CYP26C1: variants seen among roughly 807,000 people sequenced by gnomAD.
CYP26C1 encodes the protein cytochrome P450 26C1.
Under a neutral mutation model 39.1 loss-of-function variants are expected in CYP26C1, and 41 were observed. The ratio of observed to expected loss-of-function variants is 1.05; its 90% CI spans 0.82 to 1.36. CYP26C1 has a LOEUF of 1.36. Among genes scored for constraint, CYP26C1 ranks in the 40% most tolerant of loss-of-function variants. The pLI, the probability that CYP26C1 is intolerant of heterozygous loss-of-function variation, is 0.00. For synonymous variants in CYP26C1, 362 were observed against 350.8 expected, an observed-to-expected ratio of 1.03 and a Z score of -0.36; for missense variants, 833 against 752.0, an observed-to-expected ratio of 1.11 and a Z score of -1.26.
In CYP26C1 at chr10:93,066,145, G is replaced by T. The variant is rs766533565; in HGVS notation, c.1051G>T (p.Asp351Tyr). The T allele has an allele frequency of 3.7e-6, 5 of 1,369,486 alleles. No homozygotes were observed. Among genetic ancestry groups the T allele is most frequent in the Non-Finnish European group, 4.7e-6 (5 of 1,061,674 alleles). 84.8% of individuals were successfully genotyped at this position (1,369,486 alleles called of 1,614,324 possible). Residue 351 changes from aspartate (D) to tyrosine (Y), a missense_variant, in exon 5 of 6, where the codon GAC becomes TAC. Physicochemically the swap from Asp to Tyr is radical, Grantham distance 160 (BLOSUM62 -3). Transcript: ENST00000651965. ...AAGGSEGPPPDCGCEPDLSLA... is the reference protein window; with the variant it reads ...AAGGSEGPPPYCGCEPDLSLA... ...TGGGGGCAGCGAGGGGCCCCCGCCCGACTGCGGCTGCGAGCCCGACCTCAG... is the reference window on the plus strand; with the variant it reads ...TGGGGGCAGCGAGGGGCCCCCGCCCTACTGCGGCTGCGAGCCCGACCTCAG...
chr10:93,061,428 G>C lies in CYP26C1; in HGVS notation c.165G>C (p.Gly55=), dbSNP rs765707392. 1.3e-6 allele frequency: 2 copies of C among 1,556,578 alleles called. No individual in the cohort carries two copies. The highest frequency in any genetic ancestry group is 8.7e-7 in the Non-Finnish European group (1 of 1,150,512). The change falls in exon 1 of 6, where the codon GGG becomes GGC. Residue 55 remains glycine, a synonymous_variant. Coordinates refer to ENST00000651965, the MANE Select transcript of CYP26C1 (RefSeq NM_183374.3). The stretch of plus-strand genomic sequence containing the variant: ...TGCCTCTGCCCAAGGGCTCCATGGG[G>C]TGGCCCTTCTTCGGCGAAACGCTGC... ...STLPLPKGSM[G]WPFFGETLHW...
At chr10:93,062,688 G>T (rs889155741) in intron 2 of CYP26C1, 32 bp from the exon 3 acceptor site, 8 of 1,388,840 alleles carry the variant, frequency 5.8e-6, no homozygotes, top group Non-Finnish European at 7.4e-6. Flanking sequence ...AGGCCAGACC[G>T]CCGCCAGCGC....
intron 2 of CYP26C1, 107 bp from the exon 3 acceptor site, chr10:93,062,613 C>G (rs1207395388): frequency 9.5e-7 from 1 of 1,050,846 alleles, no homozygotes; most frequent in Non-Finnish European, 1.3e-6. Context: ...AGGTCTGGGC[C>G]GCTTGGAAGA....
chr10:93,064,358 T>C (rs778751809), intron 3 of CYP26C1, 23 bp from the exon 4 acceptor site: 1 of 1,605,710 alleles, frequency 6.2e-7, no homozygotes, highest in Non-Finnish European at 8.5e-7. Context: ...CTGCCCCATC[T>C]TTCTTCTCTC....
chr10:93,066,391 G>T, intron 5 of CYP26C1, 106 bp downstream of exon 5: 10 of 1,105,500 alleles, frequency 9.0e-6, no homozygotes, highest in Non-Finnish European at 1.1e-5. Flanking sequence ...AGGGCGGAGG[G>T]ATTCGGACGG....
At position 93,068,829 on chromosome 10, in the gene CYP26C1, G is replaced by A; in HGVS notation, c.*132G>A. 1 of 1,363,552 alleles carries A rather than the reference G, an allele frequency of 7.3e-7. No homozygotes were observed. Among genetic ancestry groups the A allele is most frequent in the Non-Finnish European group, 9.5e-7 (1 of 1,048,822 alleles). 84.5% of individuals were successfully genotyped at this position (1,363,552 alleles called of 1,614,324 possible). A position where few individuals can be genotyped will look rare whatever the true frequency, so the allele number is the denominator to read the frequency against. ...TTCAACAATCTTTCAACAAATGTTC[G>A]CCAAACGCGGATGTGTGCCGGACTC... is the stretch of plus-strand genomic sequence containing the variant. On this transcript the variant is annotated 3_prime_UTR_variant, in exon 6 of 6. Transcript: ENST00000651965.
intron 1 of CYP26C1, 149 bp from the exon 2 acceptor site, chr10:93,061,861 G>A: frequency 1.4e-6 from 1 of 719,208 alleles, no homozygotes; most frequent in South Asian, 1.8e-5. Context: ...CATTCCCGTA[G>A]AGTAGATACC....
At chr10:93,063,349 G>A in intron 3 of CYP26C1, 1 of 1,063,200 alleles carries the variant, frequency 9.4e-7, no homozygotes, top group Non-Finnish European at 1.1e-6. Context: ...CCTGGGGCCG[G>A]CCTCCATCAC....
At position 93,064,030 on chromosome 10, in the gene CYP26C1, C is replaced by T. The variant is rs117753641; in HGVS notation, c.706-351C>T. ...CCTAGTACAGGGAAAGGGCAATGGGCTGACCCTAGCCGCACTGGGCTCTGT... is the reference window on the plus strand; with the variant it reads ...CCTAGTACAGGGAAAGGGCAATGGGTTGACCCTAGCCGCACTGGGCTCTGT... On this transcript the variant is annotated intron_variant, in intron 3 of 5. Coordinates refer to ENST00000651965, the MANE Select transcript of CYP26C1 (RefSeq NM_183374.3). The T allele has an allele frequency of 1.1e-4, 122 of 1,075,890 alleles. 1 individual carries two copies. In the East Asian group the frequency reaches 8.0e-3, roughly 71 times the overall value. The allele number at this position is 1,075,890 out of a possible 1,614,324, so 66.6% of individuals were successfully genotyped here.
chr10:93,062,269 G>A (rs1846760922), intron 2 of CYP26C1, 35 bp downstream of exon 2: 12 of 1,489,500 alleles, frequency 8.1e-6, no homozygotes, highest in East Asian at 2.5e-5. Context: ...TAGATACGTC[G>A]GATCCGCGGT....
rs1393728557 is a variant in CYP26C1, at chr10:93,062,889, TG to T, written c.600del (p.Leu200PhefsTer70). The T allele has an allele frequency of 3.1e-5, 49 of 1,605,188 alleles. No homozygotes were observed. Among genetic ancestry groups the T allele is most frequent in the Non-Finnish European group, 4.2e-5 (49 of 1,179,324 alleles). On this transcript the variant is annotated frameshift_variant, in exon 3 of 6. Coordinates refer to ENST00000651965, the MANE Select transcript of CYP26C1 (RefSeq NM_183374.3). LOFTEE classifies it high-confidence loss of function. ...FRMAARILLG[L>X]RLDEAQCATL... is the part of the protein sequence containing the mutation. ...ATGGCCGCGCGCATCCTGCTGGGGT[TG>T]CGGCTGGACGAGGCGCAGTGCGCCA...
At chr10:93,061,958 TC>T in intron 1 of CYP26C1, 51 bp from the exon 2 acceptor site, 1 of 1,519,636 alleles carries the variant, frequency 6.6e-7, no homozygotes, top group Admixed American at 2.0e-5. Flanking sequence ...CTGGGTCAGA[TC>T]CCAGCCCAGG....
At position 93,068,760 on chromosome 10, in the gene CYP26C1, C is replaced by T. The variant is rs930568683; in HGVS notation, c.*63C>T. ...ATGGCGCGCACGCAGCGCCACCCAT[C>T]TGCCGCTCCCCATTGTAGCGTCGCG... On this transcript the variant is annotated 3_prime_UTR_variant, in exon 6 of 6. Coordinates refer to ENST00000651965, the MANE Select transcript of CYP26C1 (RefSeq NM_183374.3). The T allele has an allele frequency of 2.1e-6, 3 of 1,463,102 alleles. No homozygotes were observed. The highest frequency in any genetic ancestry group is 2.8e-5 in the Admixed American group (1 of 36,258). The allele number at this position is 1,463,102 out of a possible 1,614,324, so 90.6% of individuals were successfully genotyped here.
chr10:93,064,489 C>A lies in CYP26C1; in HGVS notation c.814C>A (p.His272Asn), dbSNP rs769423395. The stretch of plus-strand genomic sequence containing the variant: ...GGGTGATGCCCTCGACCTAATCATT[C>A]ACAGTGCAAGGGAGCTGGGCCATGA... ...EPGDALDLII[H>N]SARELGHEPS... is the part of the protein sequence containing the mutation. Residue 272 changes from histidine (H) to asparagine (N), a missense_variant, in exon 4 of 6, where the codon CAC (histidine) becomes AAC (asparagine). His to Asn is a moderately conservative substitution (Grantham distance 68). Transcript: ENST00000651965. 3.1e-6 allele frequency: 5 copies of A among 1,614,050 alleles called. No homozygotes were observed. In the Admixed American group the frequency reaches 8.3e-5, roughly 27 times the overall value.
Position 93,061,250 on chromosome 10 carries a change from C to G in CYP26C1, c.-14C>G, listed in dbSNP as rs779019510. On this transcript the variant is annotated 5_prime_UTR_variant, in exon 1 of 6. Coordinates refer to ENST00000651965, the MANE Select transcript of CYP26C1 (RefSeq NM_183374.3). Reference sequence around the variant, plus strand: ...TCCCTGCGCTCTGAGCGGCCTGGCCCCCGCGGGCTCATCATGTTCCCTTGG... The same window carrying G: ...TCCCTGCGCTCTGAGCGGCCTGGCCGCCGCGGGCTCATCATGTTCCCTTGG... 1.3e-6 allele frequency: 2 copies of G among 1,555,568 alleles called. No homozygotes were observed. The highest frequency in any genetic ancestry group is 1.7e-6 in the Non-Finnish European group (2 of 1,152,578).
At chr10:93,067,154 G>A (rs1846839741) in intron 5 of CYP26C1, among the ~76,000 whole-genome samples, 1 of 152,272 alleles carries the variant, frequency 6.6e-6, no homozygotes, top group Non-Finnish European at 1.5e-5. Flanking sequence ...AGGCATCAAA[G>A]GGACTGGGAT....
chr10:93,067,491 G>A (rs1245073014), intron 5 of CYP26C1, among the ~76,000 whole-genome samples: 1 of 152,218 alleles, frequency 6.6e-6, no homozygotes, highest in Non-Finnish European at 1.5e-5. Context: ...CCAGGGTGGT[G>A]AGCAGAGGAC....
chr10:93,063,065 G>T (rs1564951746), intron 3 of CYP26C1, 70 bp downstream of exon 3: 3 of 1,486,950 alleles, frequency 2.0e-6, no homozygotes, highest in East Asian at 2.4e-5. Flanking sequence ...AGACCCAGAC[G>T]GGACGCCCTC....
At position 93,068,464 on chromosome 10, in the gene CYP26C1, C is replaced by A; in HGVS notation, c.1336C>A (p.Arg446Ser). ...CGAAGATTCCCGGGGCGCCTCCAGC[C>A]GCTTCCATTACATCCCGTTCGGCGG... The part of the protein sequence containing the change: ...AREDSRGASS[R>S]FHYIPFGGGA... Residue 446 changes from arginine to serine, a missense_variant, in exon 6 of 6, where the codon CGC becomes AGC. Physicochemically the swap from Arg to Ser is moderately radical, Grantham distance 110. Coordinates refer to ENST00000651965, the MANE Select transcript of CYP26C1 (RefSeq NM_183374.3). The A allele has an allele frequency of 3.1e-6, 5 of 1,611,704 alleles. No individual in the cohort carries two copies. Among genetic ancestry groups the A allele is most frequent in the Non-Finnish European group, 4.2e-6 (5 of 1,179,460 alleles).
Sources: gnomAD v4.1 joint callset for allele counts (sites outside exome capture counted in the v4.1 genomes callset) on GRCh38, gnomAD v4.1.1 for gene constraint, MANE v1.5 for transcripts, NCBI Gene and HGNC (gene_info 2026-07-23, HGNC 2026-07-21) for gene names.